SPTBN1: variants seen among roughly 807,000 people sequenced by gnomAD.
The protein encoded by SPTBN1 is spectrin beta chain, non-erythrocytic 1.
Under a neutral mutation model 266.4 loss-of-function variants are expected in SPTBN1, and 32 were observed. That is an observed-to-expected ratio of 0.12 (90% CI 0.09 to 0.16). The LOEUF (loss-of-function observed/expected upper bound fraction) is 0.16, where lower values mean the gene tolerates loss of function less well. Among genes scored for constraint, SPTBN1 ranks in the 10% least tolerant of loss-of-function variants. The pLI, the probability that SPTBN1 is intolerant of heterozygous loss-of-function variation, is 1.00. For synonymous variants in SPTBN1, 1,336 were observed against 1,162.2 expected, an observed-to-expected ratio of 1.15 and a Z score of -3.04; for missense variants, 2,296 against 3,067.1, an observed-to-expected ratio of 0.75 and a Z score of 5.94.
At chr2:54,654,996 TTG>T (rs1680553973) in intron 27 of SPTBN1, 72 bp from the exon 28 acceptor site, 1 of 1,497,976 alleles carries the variant, frequency 6.7e-7, no homozygotes, top group Non-Finnish European at 9.0e-7. Flanking sequence ...TTCAAATTAA[TTG>T]TGTGTTTTAA....
intron 16 of SPTBN1, among the ~76,000 whole-genome samples, chr2:54,631,968 T>A (rs1437041353): frequency 1.3e-5 from 2 of 151,612 alleles, no homozygotes; most frequent in Non-Finnish European, 2.9e-5. Context: ...TCCCAGCTCT[T>A]GGGGAGGCTG....
At chr2:54,520,379 G>A (rs1670367300) in intron 1 of SPTBN1, 1 of 152,186 alleles carries the variant, frequency 6.6e-6, no homozygotes, top group African/African-American at 2.4e-5. Flanking sequence ...GTTATGACCT[G>A]TGGTAGCTCA....
intron 24 of SPTBN1, 58 bp from the exon 25 acceptor site, chr2:54,648,928 C>G: frequency 6.8e-7 from 1 of 1,474,592 alleles, no homozygotes; most frequent in South Asian, 1.3e-5. Context: ...TGTTTTTCCC[C>G]TGAAGAAACT....
At chr2:54,655,576 G>A (rs28710338) in intron 28 of SPTBN1, among the ~76,000 whole-genome samples, 4 of 152,154 alleles carry the variant, frequency 2.6e-5, no homozygotes, top group South Asian at 2.1e-4. Flanking sequence ...TATTAGGTGC[G>A]TGTGTGGCCC....
chr2:54,577,388 C>G (rs1674563889), intron 2 of SPTBN1, among the ~76,000 whole-genome samples: 1 of 152,160 alleles, frequency 6.6e-6, no homozygotes. Context: ...TTTGGCTTCT[C>G]ATGCTTTGAG....
chr2:54,601,306 A>G (rs908592940), intron 3 of SPTBN1, among the ~76,000 whole-genome samples: 1 of 152,224 alleles, frequency 6.6e-6, no homozygotes, highest in Non-Finnish European at 1.5e-5. Flanking sequence ...GATACCATAG[A>G]TAGAGTGCTC....
chr2:54,541,358 G>T lies in SPTBN1; in HGVS notation c.148+14792G>T, dbSNP rs139113108. 1.1e-3 allele frequency among the ~76,000 whole-genome samples: 172 copies of T among 152,350 alleles called. 2 individuals are homozygous for T. In the East Asian group the frequency reaches 0.03, roughly 27 times the overall value. On this transcript the variant is annotated intron_variant, in intron 2 of 35. Coordinates refer to ENST00000356805, the MANE Select transcript of SPTBN1 (RefSeq NM_003128.3). ...TCCAAGCATTTGAAGGAAGGCCAGT[G>T]TTAGTATGGATGCTTGTAAATAATG...
At position 54,668,808 on chromosome 2, in the gene SPTBN1, A is replaced by G. The variant is rs950225998; in HGVS notation, c.*239A>G. ...GCCAGATTTTTTTTTTAATGAAATT[A>G]TATAGATTAGATCTCAGTATTTAAA... On this transcript the variant is annotated 3_prime_UTR_variant, in exon 36 of 36. Transcript: ENST00000356805. 9 of 491,354 alleles carry G rather than the reference A, an allele frequency of 1.8e-5. No homozygotes were observed. Among genetic ancestry groups the G allele is most frequent in the Middle Eastern group, 1.1e-3 (2 of 1,780 alleles). The allele number at this position is 491,354 out of a possible 1,614,324, so 30.4% of individuals were successfully genotyped here.
intron 2 of SPTBN1, among the ~76,000 whole-genome samples, chr2:54,598,760 G>A (rs771769536): frequency 2.0e-5 from 3 of 152,210 alleles, no homozygotes; most frequent in African/African-American, 4.8e-5. Flanking sequence ...AGGGATGGGA[G>A]AAAAGAAAGG....
intron 1 of SPTBN1, among the ~76,000 whole-genome samples, chr2:54,474,237 G>A (rs969394959): frequency 6.6e-6 from 1 of 152,200 alleles, no homozygotes; most frequent in Admixed American, 6.5e-5. Flanking sequence ...TAGTGCTTCA[G>A]ATGCCTATAA....
In SPTBN1 at chr2:54,630,018, A is replaced by G. The variant is rs1472041163; in HGVS notation, c.2796A>G (p.Lys932=). The G allele has an allele frequency of 2.5e-6, 4 of 1,613,772 alleles. No homozygotes were observed. Among genetic ancestry groups the G allele is most frequent in the Non-Finnish European group, 3.4e-6 (4 of 1,179,896 alleles). The part of the protein sequence containing the change: ...SEKEIKAQQD[K]LNTRWSQFRE... Reference sequence around the variant, plus strand: ...AGGAAATCAAAGCCCAGCAGGACAAACTCAACACAAGGTGAGCACGTGGCC... The same window carrying G: ...AGGAAATCAAAGCCCAGCAGGACAAGCTCAACACAAGGTGAGCACGTGGCC... Residue 932 remains lysine (K), a synonymous_variant, in exon 15 of 36, where the codon AAA becomes AAG. Transcript: ENST00000356805.
At position 54,653,903 on chromosome 2, in the gene SPTBN1, A is replaced by G. The variant is rs181515050; in HGVS notation, c.5822+50A>G. ...TTGGACTTATTGGCGCTTGGTTAAA[A>G]CACAGGAGTCTTCCAGAGAGAAGCA... On this transcript the variant is annotated intron_variant, in intron 27 of 35. Coordinates refer to ENST00000356805, the MANE Select transcript of SPTBN1 (RefSeq NM_003128.3). This position sits in a 1 kb window ranked among gnomAD's most constrained non-coding sequence, Gnocchi z 5.1. The G allele has an allele frequency of 6.3e-7, 1 of 1,587,728 alleles. No individual in the cohort carries two copies. The highest frequency in any genetic ancestry group is 2.2e-5 in the East Asian group (1 of 44,770).
intron 24 of SPTBN1, 70 bp from the exon 25 acceptor site, chr2:54,648,916 T>G: frequency 7.1e-7 from 1 of 1,413,202 alleles, no homozygotes; most frequent in East Asian, 2.5e-5. Context: ...CTCCACCTCA[T>G]TTGTTTTTCC....
intron 1 of SPTBN1, among the ~76,000 whole-genome samples, chr2:54,486,242 G>A (rs1246067300): frequency 3.9e-5 from 6 of 152,112 alleles, no homozygotes; most frequent in African/African-American, 1.4e-4. Flanking sequence ...CATTGAGAAC[G>A]GGCCAGGATG....
intron 2 of SPTBN1, among the ~76,000 whole-genome samples, chr2:54,572,643 C>G (rs372895244): frequency 1.3e-5 from 2 of 152,166 alleles, no homozygotes; most frequent in African/African-American, 2.4e-5. Flanking sequence ...TCTCTGCCCC[C>G]CTTTACAAAA....
intron 2 of SPTBN1, among the ~76,000 whole-genome samples, chr2:54,538,055 C>A (rs1244297613): frequency 1.3e-5 from 2 of 152,122 alleles, no homozygotes; most frequent in African/African-American, 4.8e-5. Flanking sequence ...TTCAGATAGA[C>A]TGATGTTCTT....
intron 17 of SPTBN1, among the ~76,000 whole-genome samples, chr2:54,634,816 GACTC>G (rs1679007364): frequency 6.6e-6 from 1 of 152,228 alleles, no homozygotes; most frequent in Non-Finnish European, 1.5e-5. Flanking sequence ...CAAAGACACT[GACTC>G]TAACAGATGT....
chr2:54,470,519 G>A (rs560998935), intron 1 of SPTBN1, among the ~76,000 whole-genome samples: 10 of 152,312 alleles, frequency 6.6e-5, no homozygotes, highest in African/African-American at 2.4e-4. Flanking sequence ...AGTCTCAAAT[G>A]TGCTAATTAA....
At position 54,642,976 on chromosome 2, in the gene SPTBN1, T is replaced by C; in HGVS notation, c.3859-7T>C. The C allele has an allele frequency of 6.2e-7, 1 of 1,611,104 alleles. No individual in the cohort carries two copies. Among genetic ancestry groups the C allele is most frequent in the East Asian group, 2.2e-5 (1 of 44,842 alleles). ...ACAATCTCTGAATCCTTCTGATCTT[T>C]CTGTAGCTGTCTCTCTGGATCAATG... On this transcript the variant is annotated splice_polypyrimidine_tract_variant and splice_region_variant and intron_variant, in intron 18 of 35. Transcript: ENST00000356805.
Sources: gnomAD v4.1 joint callset for allele counts (sites outside exome capture counted in the v4.1 genomes callset) on GRCh38, gnomAD v4.1.1 for gene constraint, Gnocchi (gnomAD v3.1) non-coding constraint, MANE v1.5 for transcripts, NCBI Gene and HGNC (gene_info 2026-07-23, HGNC 2026-07-21) for gene names.